Variants in RAD17 observed in about 807,000 individuals in gnomAD.
The protein encoded by RAD17 is cell cycle checkpoint protein RAD17.
A neutral mutation model predicts 81.5 loss-of-function variants in RAD17; 31 were observed. The observed-to-expected ratio is 0.38, with a 90% CI of 0.29 to 0.51. The LOEUF (loss-of-function observed/expected upper bound fraction) is 0.51, where lower values mean the gene tolerates loss of function less well. RAD17 is among the 20% of genes least tolerant of loss of function. RAD17 has a pLI of 0.88. For missense variants in RAD17, 681 were observed against 781.2 expected, an observed-to-expected ratio of 0.87 and a Z score of 1.53; for synonymous variants, 261 against 266.2, an observed-to-expected ratio of 0.98 and a Z score of 0.19.
chr5:69,381,830 G>C (rs1489027572), intron 6 of RAD17, 71 bp from the exon 7 acceptor site: 2 of 1,128,978 alleles, frequency 1.8e-6, no homozygotes, highest in African/African-American at 1.6e-5. Context: ...TATTTAGAAT[G>C]AAAAGTCAGA....
intron 18 of RAD17, 28 bp from the exon 19 acceptor site, chr5:69,414,003 A>G: frequency 6.2e-7 from 1 of 1,607,074 alleles, no homozygotes; most frequent in Non-Finnish European, 8.5e-7. Context: ...TTTGGTTCTT[A>G]TTAATGCCTG....
In RAD17 at chr5:69,389,048, T is replaced by C; in HGVS notation, c.909T>C (p.Ile303=). ...TIEANKNGGK[I]TVPDKTSLEL... is the part of the protein sequence containing the mutation. Reference sequence around the variant, plus strand: ...TCTTATTTTAGAATGGAGGAAAAATTACTGTCCCTGACAAAACTTCTCTAG... The same window carrying C: ...TCTTATTTTAGAATGGAGGAAAAATCACTGTCCCTGACAAAACTTCTCTAG... The change falls in exon 12 of 19, where the codon ATT becomes ATC. Residue 303 remains isoleucine, a synonymous_variant. Transcript: ENST00000354868. The C allele has an allele frequency of 9.4e-6, 14 of 1,491,748 alleles. No homozygotes were observed. Among genetic ancestry groups the C allele is most frequent in the Non-Finnish European group, 1.3e-5 (14 of 1,118,908 alleles). The allele number at this position is 1,491,748 out of a possible 1,614,324, so 92.4% of individuals were successfully genotyped here. A position where few individuals can be genotyped will look rare whatever the true frequency, so the allele number is the denominator to read the frequency against.
At chr5:69,395,879 A>G (rs1764852774) in intron 15 of RAD17, among the ~76,000 whole-genome samples, 1 of 152,238 alleles carries the variant, frequency 6.6e-6, no homozygotes, top group East Asian at 1.9e-4. Context: ...ACATTGTTCT[A>G]TTACAACTAC....
intron 17 of RAD17, among the ~76,000 whole-genome samples, chr5:69,407,396 G>A (rs781611399): frequency 8.6e-5 from 13 of 151,606 alleles, no homozygotes; most frequent in South Asian, 4.2e-4. Flanking sequence ...TGTTTCTTCC[G>A]CTTTTATTTA....
At position 69,372,075 on chromosome 5, in the gene RAD17, A is replaced by C; in HGVS notation, c.-134A>C. The C allele has an allele frequency of 7.2e-7, 1 of 1,387,666 alleles. No homozygotes were observed. 86.0% of individuals were successfully genotyped at this position (1,387,666 alleles called of 1,614,324 possible). ...TTTATGTAAGAAATGAAACTATAAA[A>C]TGTATAAATAATTTGCAAATCAGAA... On this transcript the variant is annotated 5_prime_UTR_variant, in exon 4 of 19. The change abolishes an upstream ATG in the 5' untranslated region. Transcript: ENST00000354868.
intron 6 of RAD17, among the ~76,000 whole-genome samples, chr5:69,379,971 C>T (rs998766410): frequency 1.3e-5 from 2 of 151,924 alleles, no homozygotes; most frequent in Non-Finnish European, 2.9e-5. Flanking sequence ...ACCTCTGCCT[C>T]CCGGGTTCAA....
chr5:69,389,054 C>T lies in RAD17; in HGVS notation c.915C>T (p.Val305=), dbSNP rs142157993. The change falls in exon 12 of 19, where the codon GTC becomes GTT. Residue 305 remains valine, a synonymous_variant. Transcript: ENST00000354868. Reference sequence around the variant, plus strand: ...TTTAGAATGGAGGAAAAATTACTGTCCCTGACAAAACTTCTCTAGAGTTGC... The same window carrying T: ...TTTAGAATGGAGGAAAAATTACTGTTCCTGACAAAACTTCTCTAGAGTTGC... ...EANKNGGKIT[V]PDKTSLELLC... is the part of the protein sequence containing the mutation. 1 of 1,507,372 alleles carries T rather than the reference C, an allele frequency of 6.6e-7. No individual in the cohort carries two copies. 93.4% of individuals were successfully genotyped at this position (1,507,372 alleles called of 1,614,324 possible). A position where few individuals can be genotyped will look rare whatever the true frequency, so the allele number is the denominator to read the frequency against.
intron 12 of RAD17, 64 bp from the exon 13 acceptor site, chr5:69,391,767 G>T (rs1172055336): frequency 3.3e-6 from 4 of 1,195,210 alleles, no homozygotes; most frequent in Non-Finnish European, 2.2e-6. Flanking sequence ...TATATCTGAA[G>T]TGTTCTTAGT....
At chr5:69,396,744 A>G (rs1561263552) in intron 16 of RAD17, among the ~76,000 whole-genome samples, 198 bp downstream of exon 16, 1 of 152,174 alleles carries the variant, frequency 6.6e-6, no homozygotes, top group African/African-American at 2.4e-5. Context: ...TGCTTGTACA[A>G]TTTTTTAAGG....
chr5:69,380,146 G>A (rs1332318129), intron 6 of RAD17, among the ~76,000 whole-genome samples: 1 of 152,044 alleles, frequency 6.6e-6, no homozygotes, highest in Non-Finnish European at 1.5e-5. Flanking sequence ...CTCCCAAAGT[G>A]CTGGGATTAT....
chr5:69,402,854 ATTC>A (rs1293026192), intron 17 of RAD17, among the ~76,000 whole-genome samples: 2 of 152,128 alleles, frequency 1.3e-5, no homozygotes, highest in African/African-American at 4.8e-5. Flanking sequence ...ATATCCCATT[ATTC>A]TTAAAAACTT....
intron 17 of RAD17, among the ~76,000 whole-genome samples, chr5:69,401,252 C>G (rs936494679): frequency 1.3e-5 from 2 of 152,148 alleles, no homozygotes; most frequent in African/African-American, 4.8e-5. Flanking sequence ...AGTACTTCCC[C>G]TACAACCACA....
Position 69,400,244 on chromosome 5 carries a change from G to A in RAD17, c.1693+75G>A, listed in dbSNP as rs17236555. 1.7e-3 allele frequency: 730 copies of A among 426,098 alleles called. 32 individuals carry two copies. The East Asian group carries it at 0.051, about 30-fold the overall frequency. 26.4% of individuals were successfully genotyped at this position (426,098 alleles called of 1,614,324 possible). ...TATTTATTTATTTTATTTTTTTAGGGGGAGTCTCTACTGTCCAGGCTGGAT... is the reference window on the plus strand; with the variant it reads ...TATTTATTTATTTTATTTTTTTAGGAGGAGTCTCTACTGTCCAGGCTGGAT... On this transcript the variant is annotated intron_variant, in intron 17 of 18. Coordinates refer to ENST00000354868, the MANE Select transcript of RAD17 (RefSeq NM_133338.3).
At chr5:69,389,920 G>A (rs17230019) in intron 12 of RAD17, among the ~76,000 whole-genome samples, 160 of 152,324 alleles carry the variant, frequency 1.1e-3, no homozygotes, top group Non-Finnish European at 1.8e-3. Flanking sequence ...ATAGGTGTGA[G>A]CCACCTCATC....
chr5:69,408,733 AC>A (rs1434748235), intron 17 of RAD17, among the ~76,000 whole-genome samples: 30 of 150,586 alleles, frequency 2.0e-4, no homozygotes, highest in African/African-American at 5.4e-4. Flanking sequence ...TTGGTCTTGA[AC>A]TCCTGACCTC....
intron 17 of RAD17, among the ~76,000 whole-genome samples, chr5:69,409,106 G>T (rs115657614): frequency 2.0e-5 from 3 of 151,998 alleles, no homozygotes; most frequent in African/African-American, 7.3e-5. Flanking sequence ...GGAAGGCTTC[G>T]GAGCTTTTTC....
At chr5:69,374,781 G>A in intron 6 of RAD17, 70 bp downstream of exon 6, 2 of 1,284,378 alleles carry the variant, frequency 1.6e-6, no homozygotes, top group Non-Finnish European at 2.2e-6. Context: ...GTTGTTAGAA[G>A]TTAAAGTTTT....
chr5:69,391,436 G>A (rs1396972032), intron 12 of RAD17, among the ~76,000 whole-genome samples: 3 of 152,044 alleles, frequency 2.0e-5, no homozygotes, highest in African/African-American at 4.8e-5. Flanking sequence ...TGCATTATAC[G>A]AATTGAAAAT....
At chr5:69,392,461 G>A (rs1230300873) in intron 13 of RAD17, among the ~76,000 whole-genome samples, 1 of 152,082 alleles carries the variant, frequency 6.6e-6, no homozygotes, top group Non-Finnish European at 1.5e-5. Context: ...CGCCTTTTCT[G>A]TCTTTTTTGA....
Sources: gnomAD v4.1 joint callset for allele counts (sites outside exome capture counted in the v4.1 genomes callset) on GRCh38, gnomAD v4.1.1 for gene constraint, MANE v1.5 for transcripts, NCBI Gene and HGNC (gene_info 2026-07-23, HGNC 2026-07-21) for gene names.